RALGPS2: variants seen among roughly 807,000 people sequenced by gnomAD.
RALGPS2 encodes the protein ras-specific guanine nucleotide-releasing factor RalGPS2.
In RALGPS2, 43 loss-of-function variants were observed where a neutral mutation model predicts 86.8. That is an observed-to-expected ratio of 0.50 (90% CI 0.39 to 0.64). RALGPS2 has a LOEUF of 0.64. RALGPS2 is among the 30% of genes least tolerant of loss of function. The pLI is 0.00. For missense variants in RALGPS2, 536 were observed against 694.6 expected, an observed-to-expected ratio of 0.77 and a Z score of 2.57; for synonymous variants, 243 against 231.3, an observed-to-expected ratio of 1.05 and a Z score of -0.46.
chr1:178,818,574 C>T (rs2102218703), intron 6 of RALGPS2, among the ~76,000 whole-genome samples: 1 of 152,288 alleles, frequency 6.6e-6, no homozygotes, highest in East Asian at 1.9e-4. Flanking sequence ...ACCCAGCTGT[C>T]AGCCTCCAGC....
chr1:178,911,824 C>T (rs937592626), intron 19 of RALGPS2, among the ~76,000 whole-genome samples: 5 of 152,012 alleles, frequency 3.3e-5, no homozygotes, highest in Admixed American at 2.6e-4. Context: ...TGAAGTCTTC[C>T]ATTATGTAGT....
At chr1:178,859,498 A>G (rs1572414351) in intron 8 of RALGPS2, among the ~76,000 whole-genome samples, 2 of 134,414 alleles carry the variant, frequency 1.5e-5, no homozygotes, top group African/African-American at 2.8e-5. Context: ...CCGCCTCCCG[A>G]GTTCAAGCAA....
At chr1:178,866,030 C>T (rs1257128349) in intron 8 of RALGPS2, among the ~76,000 whole-genome samples, 2 of 152,216 alleles carry the variant, frequency 1.3e-5, no homozygotes, top group Middle Eastern at 3.4e-3. Context: ...CCAGCTACCA[C>T]CTTATTGTAA....
intron 6 of RALGPS2, among the ~76,000 whole-genome samples, chr1:178,814,945 G>C (rs1447564211): frequency 6.6e-6 from 1 of 152,186 alleles, no homozygotes; most frequent in Non-Finnish European, 1.5e-5. Context: ...CATTGAATCT[G>C]ATAGGAGTGA....
At chr1:178,845,284 T>C (rs886689269) in intron 8 of RALGPS2, among the ~76,000 whole-genome samples, 1 of 152,148 alleles carries the variant, frequency 6.6e-6, no homozygotes, top group Non-Finnish European at 1.5e-5. Context: ...TTTTTCCTGT[T>C]GGAGAGAGAC....
intron 8 of RALGPS2, among the ~76,000 whole-genome samples, chr1:178,848,662 T>C (rs927763593): frequency 6.6e-6 from 1 of 152,192 alleles, no homozygotes; most frequent in Non-Finnish European, 1.5e-5. Context: ...GGATATTGTT[T>C]TGTTTTTTGA....
chr1:178,777,673 T>C (rs1653163856), intron 2 of RALGPS2, among the ~76,000 whole-genome samples: 1 of 151,676 alleles, frequency 6.6e-6, no homozygotes, highest in Non-Finnish European at 1.5e-5. Flanking sequence ...CAAAACAGCA[T>C]GGTACTGGTA....
intron 8 of RALGPS2, 143 bp downstream of exon 8, chr1:178,833,693 A>G (rs1656132772): frequency 1.5e-6 from 2 of 1,336,436 alleles, no homozygotes; most frequent in Middle Eastern, 2.7e-4. Context: ...AAAAATGACT[A>G]AAGATAGTTG....
intron 1 of RALGPS2, among the ~76,000 whole-genome samples, chr1:178,767,358 C>CTTTTTTTTTTTTTTTTTT (rs1159630163): frequency 8.7e-4 from 61 of 70,466 alleles, no homozygotes; most frequent in African/African-American, 1.1e-3. Flanking sequence ...TGTCCTTTGG[C>CTTTTTTTTTTTTTTTTTT]TTTTTTTTTT....
At chr1:178,793,890 A>G (rs1280278949) in intron 4 of RALGPS2, among the ~76,000 whole-genome samples, 6 of 152,088 alleles carry the variant, frequency 3.9e-5, no homozygotes, top group Non-Finnish European at 7.4e-5. Flanking sequence ...AATTTAGGCT[A>G]TATTTTCAGG....
In RALGPS2 at chr1:178,877,526, C is replaced by A; in HGVS notation, c.636C>A (p.Ile212=). 1.2e-6 allele frequency: 2 copies of A among 1,613,360 alleles called. No individual in the cohort carries two copies. The highest frequency in any genetic ancestry group is 1.7e-6 in the Non-Finnish European group (2 of 1,179,554). ...TCTATTTGTCAGATTTAACATACAT[C>A]GATTCAGCATACCCATCAACTGGCA... ...LGIYLSDLTY[I]DSAYPSTGSI... is the part of the protein sequence containing the mutation. The change falls in exon 9 of 20, where the codon ATC becomes ATA. Residue 212 remains isoleucine (I), a synonymous_variant. Coordinates refer to ENST00000367635, the MANE Select transcript of RALGPS2 (RefSeq NM_152663.5).
intron 7 of RALGPS2, among the ~76,000 whole-genome samples, chr1:178,833,112 A>T (rs16853373): frequency 0.032 from 4,925 of 152,174 alleles, 104 homozygotes; most frequent in Non-Finnish European, 0.048. Context: ...CTAAATATGA[A>T]TGCATAATTT....
intron 8 of RALGPS2, among the ~76,000 whole-genome samples, chr1:178,872,758 T>C (rs762838022): frequency 1.1e-4 from 17 of 152,192 alleles, no homozygotes; most frequent in Non-Finnish European, 2.1e-4. Context: ...GCTTTCTAAC[T>C]TGAGCACTTA....
Position 178,920,076 on chromosome 1 carries a change from A to T in RALGPS2, c.*3717A>T, listed in dbSNP as rs1311420347. On this transcript the variant is annotated 3_prime_UTR_variant, in exon 20 of 20. Transcript: ENST00000367635. The stretch of plus-strand genomic sequence containing the variant: ...CTTTTTTGTATTATTTCTTTCAAAC[A>T]TAGTAAATATATGATTTTACAGCCA... 6.6e-6 allele frequency: 1 copy of T among 152,048 alleles called. No individual in the cohort carries two copies. Among genetic ancestry groups the T allele is most frequent in the Non-Finnish European group, 1.5e-5 (1 of 67,922 alleles). 9.4% of individuals were successfully genotyped at this position (152,048 alleles called of 1,614,324 possible).
At chr1:178,806,492 T>C (rs1302344572) in intron 4 of RALGPS2, among the ~76,000 whole-genome samples, 4 of 152,294 alleles carry the variant, frequency 2.6e-5, no homozygotes, top group East Asian at 1.9e-4. Context: ...TTGACTCTTA[T>C]GGTCTTCAAA....
chr1:178,774,475 T>C (rs1317179545), intron 1 of RALGPS2, among the ~76,000 whole-genome samples: 1 of 152,236 alleles, frequency 6.6e-6, no homozygotes, highest in Non-Finnish European at 1.5e-5. Context: ...GCACCCCTGA[T>C]TTATAAATTC....
At chr1:178,741,671 A>G (rs1318908037) in intron 1 of RALGPS2, among the ~76,000 whole-genome samples, 1 of 152,230 alleles carries the variant, frequency 6.6e-6, no homozygotes, top group Admixed American at 6.5e-5. Flanking sequence ...AGTTGTAGCT[A>G]AGAAGCCAAC....
chr1:178,860,552 A>C (rs984019182), intron 8 of RALGPS2, among the ~76,000 whole-genome samples: 1 of 152,158 alleles, frequency 6.6e-6, no homozygotes, highest in African/African-American at 2.4e-5. Flanking sequence ...AGAACTCTTC[A>C]TCTTGCAAAA....
chr1:178,853,123 C>G, intron 8 of RALGPS2: 1 of 985,172 alleles, frequency 1.0e-6, no homozygotes, highest in East Asian at 1.1e-4. Context: ...CATTGTCATT[C>G]TCTTTTTGTT....
Sources: allele counts gnomAD v4.1 joint callset (sites outside exome capture counted in the v4.1 genomes callset), GRCh38; gene constraint gnomAD v4.1.1; transcripts MANE v1.5; gene names NCBI Gene and HGNC (gene_info 2026-07-23, HGNC 2026-07-21).